Variants in BABAM2 observed in about 807,000 individuals in gnomAD.
BABAM2 encodes the protein BRISC and BRCA1 A complex member 2.
BABAM2 carries 31 observed loss-of-function variants against 54.7 expected under a neutral mutation model. That is an observed-to-expected ratio of 0.57 (90% CI 0.43 to 0.77). The LOEUF (loss-of-function observed/expected upper bound fraction) is 0.77, where lower values mean the gene tolerates loss of function less well. Ranked by LOEUF, BABAM2 falls within the 30% of genes least tolerant of loss-of-function variation. BABAM2 has a pLI of 0.00. For missense variants in BABAM2, 364 were observed against 455.8 expected, an observed-to-expected ratio of 0.80 and a Z score of 1.83; for synonymous variants, 167 against 162.9, an observed-to-expected ratio of 1.03 and a Z score of -0.19.
intron 7 of BABAM2, among the ~76,000 whole-genome samples, chr2:28,165,224 G>T (rs1421321265): frequency 6.6e-6 from 1 of 152,174 alleles, no homozygotes; most frequent in Admixed American, 6.5e-5. Flanking sequence ...TTTCTTTGAG[G>T]AATGTGAAGG....
intron 2 of BABAM2, among the ~76,000 whole-genome samples, chr2:27,903,109 G>A (rs543292903): frequency 1.3e-4 from 19 of 146,814 alleles, no homozygotes; most frequent in Non-Finnish European, 2.4e-4. Flanking sequence ...CCCACCGTAT[G>A]GATAATTGGT....
chr2:28,143,336 AG>A (rs899998708), intron 7 of BABAM2, among the ~76,000 whole-genome samples: 39 of 152,202 alleles, frequency 2.6e-4, no homozygotes, highest in African/African-American at 9.4e-4. Flanking sequence ...AGTGGTTACC[AG>A]GGGTGGGGAA....
At chr2:28,277,325 A>C (rs1685963985) in intron 10 of BABAM2, among the ~76,000 whole-genome samples, 1 of 152,074 alleles carries the variant, frequency 6.6e-6, no homozygotes, top group Non-Finnish European at 1.5e-5. Context: ...GGCTGGTCTC[A>C]AACTCCTGAC....
chr2:28,122,906 A>G (rs942606689), intron 6 of BABAM2, among the ~76,000 whole-genome samples: 1 of 152,204 alleles, frequency 6.6e-6, no homozygotes. Flanking sequence ...TTGGCGATAC[A>G]TAGTTCAGAC....
At chr2:28,170,958 A>G (rs1301560953) in intron 7 of BABAM2, among the ~76,000 whole-genome samples, 1 of 152,230 alleles carries the variant, frequency 6.6e-6, no homozygotes, top group Non-Finnish European at 1.5e-5. Flanking sequence ...CATTTCCTCC[A>G]ACCCGAGTCC....
intron 5 of BABAM2, among the ~76,000 whole-genome samples, chr2:28,044,614 A>C (rs997538381): frequency 6.6e-6 from 1 of 152,206 alleles, no homozygotes; most frequent in African/African-American, 2.4e-5. Flanking sequence ...AGTGCTATGC[A>C]TGTGTGCCTA....
intron 7 of BABAM2, among the ~76,000 whole-genome samples, chr2:28,184,669 T>C (rs1207362889): frequency 6.6e-6 from 1 of 152,156 alleles, no homozygotes; most frequent in Non-Finnish European, 1.5e-5. Flanking sequence ...TTTCTATGGC[T>C]GCGTAGTATT....
rs1558667625 is a variant in BABAM2 at position 28,026,899 on chromosome 2, TATATATA to T, written c.495+1481_495+1487del. Among the ~76,000 whole-genome samples, 8 of 51,022 alleles carry T rather than the reference TATATATA, an allele frequency of 1.6e-4. No homozygotes were observed. The East Asian group carries it at 3.0e-3, about 19-fold the overall frequency. The allele number at this position is 51,022 out of a possible 152,430, so 33.5% of individuals were successfully genotyped here. A position where few individuals can be genotyped will look rare whatever the true frequency, so the allele number is the denominator to read the frequency against. ...TTATATATATATAGATATATATAAA[TATATATA>T]AATATATATTAATATATATAAATAT... On this transcript the variant is annotated intron_variant, in intron 5 of 11. Transcript: ENST00000379624.
intron 3 of BABAM2, 132 bp downstream of exon 3, chr2:27,930,040 T>A (rs1558595578): frequency 1.3e-6 from 1 of 756,438 alleles, no homozygotes; most frequent in Non-Finnish European, 2.1e-6. Context: ...TTACCACTTT[T>A]CTTATCTGCC....
rs904691149 is a variant in BABAM2, at chr2:28,304,972, C to T, written c.1088+6481C>T. On this transcript the variant is annotated intron_variant, in intron 11 of 11. Coordinates refer to ENST00000379624, the MANE Select transcript of BABAM2 (RefSeq NM_199191.3). This position sits in a 1 kb window ranked among gnomAD's most constrained non-coding sequence, Gnocchi z 4.0. Reference sequence around the variant, plus strand: ...GGATTACAGGCATGAGCCAGCACGCCCAGCCTGCAATTTCTTACATAAACA... The same window carrying T: ...GGATTACAGGCATGAGCCAGCACGCTCAGCCTGCAATTTCTTACATAAACA... Among the ~76,000 whole-genome samples, 44 of 152,340 alleles carry T rather than the reference C, an allele frequency of 2.9e-4. No homozygotes were observed. The highest frequency in any genetic ancestry group is 1.0e-3 in the African/African-American group (42 of 41,588).
intron 7 of BABAM2, among the ~76,000 whole-genome samples, chr2:28,173,528 A>G (rs1674586314): frequency 6.6e-6 from 1 of 152,066 alleles, no homozygotes; most frequent in Admixed American, 6.5e-5. Context: ...GTCATTAAAA[A>G]GCAACTGCAG....
chr2:28,153,530 C>G (rs1317070389), intron 7 of BABAM2, among the ~76,000 whole-genome samples: 1 of 152,172 alleles, frequency 6.6e-6, no homozygotes, highest in Admixed American at 6.5e-5. Flanking sequence ...ATACATTACA[C>G]TTGGTATTGC....
chr2:28,121,771 G>A (rs1488601505), intron 6 of BABAM2, among the ~76,000 whole-genome samples: 1 of 151,848 alleles, frequency 6.6e-6, no homozygotes, highest in Non-Finnish European at 1.5e-5. Context: ...TACCCTAAGA[G>A]AGTCTTATTC....
intron 5 of BABAM2, among the ~76,000 whole-genome samples, chr2:28,032,279 G>A (rs1676351093): frequency 1.3e-5 from 2 of 152,108 alleles, no homozygotes; most frequent in South Asian, 4.1e-4. Context: ...AAAGTATGAG[G>A]CTTTGAAAAA....
chr2:27,894,542 A>T lies in BABAM2; in HGVS notation c.-15A>T. On this transcript the variant is annotated 5_prime_UTR_variant, in exon 2 of 12. Coordinates refer to ENST00000379624, the MANE Select transcript of BABAM2 (RefSeq NM_199191.3). ...TTCCTTCTGCTTTCAGTGGTGATTT[A>T]CAAGTCAAGTTAAAATGTCCCCAGA... 1 of 1,613,680 alleles carries T rather than the reference A, an allele frequency of 6.2e-7. No homozygotes were observed. The highest frequency in any genetic ancestry group is 8.5e-7 in the Non-Finnish European group (1 of 1,179,578).
chr2:28,327,172 T>C (rs1690538351), intron 11 of BABAM2: 3 of 1,255,544 alleles, frequency 2.4e-6, no homozygotes, highest in Non-Finnish European at 3.3e-6. Context: ...GCTGGTCCCA[T>C]GGCCGGTGGA....
chr2:28,298,619 AAC>A lies in BABAM2; in HGVS notation c.1088+132_1088+133del, dbSNP rs991472740. The A allele has an allele frequency of 1.3e-4, 137 of 1,082,062 alleles. No individual in the cohort carries two copies. The African/African-American group carries it at 2.0e-3, about 16-fold the overall frequency. 67.0% of individuals were successfully genotyped at this position (1,082,062 alleles called of 1,614,324 possible). Reference sequence around the variant, plus strand: ...GTTTTTGTAAATAAAGTTTTATAGAAACACAGCAACACCCATTTCTTTACTTA... The same window carrying A: ...GTTTTTGTAAATAAAGTTTTATAGAAACAGCAACACCCATTTCTTTACTTA... On this transcript the variant is annotated intron_variant, in intron 11 of 11. Transcript: ENST00000379624.
At chr2:28,199,743 C>G (rs1051751743) in intron 7 of BABAM2, among the ~76,000 whole-genome samples, 1 of 152,010 alleles carries the variant, frequency 6.6e-6, no homozygotes. Flanking sequence ...AGGAAGGCAG[C>G]GGTGGGCAGC....
At chr2:28,163,045 A>G (rs1054986238) in intron 7 of BABAM2, among the ~76,000 whole-genome samples, 2 of 152,098 alleles carry the variant, frequency 1.3e-5, no homozygotes, top group Admixed American at 6.5e-5. Context: ...AGTACCAAAT[A>G]TTTTTATTTA....
Sources: gnomAD v4.1 joint callset for allele counts (sites outside exome capture counted in the v4.1 genomes callset) on GRCh38, gnomAD v4.1.1 for gene constraint, Gnocchi (gnomAD v3.1) non-coding constraint, MANE v1.5 for transcripts, NCBI Gene and HGNC (gene_info 2026-07-23, HGNC 2026-07-21) for gene names.